Variants in COL27A1 observed in about 807,000 individuals in gnomAD.
COL27A1 encodes collagen type XXVII alpha 1 chain, also known as collagen alpha-1(XXVII) chain.
A neutral mutation model predicts 251.3 loss-of-function variants in COL27A1; 106 were observed. The observed-to-expected ratio is 0.42, with a 90% CI of 0.36 to 0.50. COL27A1 has a LOEUF of 0.50. Ranked by LOEUF, COL27A1 falls within the 20% of genes least tolerant of loss-of-function variation. The pLI is 0.00. For synonymous variants in COL27A1, 1,000 were observed against 986.3 expected, an observed-to-expected ratio of 1.01 and a Z score of -0.26; for missense variants, 2,325 against 2,522.8, an observed-to-expected ratio of 0.92 and a Z score of 1.68.
At chr9:114,261,684 C>T (rs1167371375) in intron 28 of COL27A1, among the ~76,000 whole-genome samples, 2 of 152,218 alleles carry the variant, frequency 1.3e-5, no homozygotes, top group Non-Finnish European at 2.9e-5. Flanking sequence ...CTGGCAGGAT[C>T]CTCTGGGTCC....
At chr9:114,256,196 GATT>G (rs1317536029) in intron 27 of COL27A1, among the ~76,000 whole-genome samples, 2 of 152,214 alleles carry the variant, frequency 1.3e-5, no homozygotes, top group Non-Finnish European at 2.9e-5. Flanking sequence ...GATCTATCAA[GATT>G]ATTATCCCCA....
intron 12 of COL27A1, among the ~76,000 whole-genome samples, chr9:114,212,537 G>C (rs1830436837): frequency 6.6e-6 from 1 of 152,232 alleles, no homozygotes; most frequent in African/African-American, 2.4e-5. Context: ...GAGAGAGTAG[G>C]ATAGGGAGAC....
chr9:114,172,689 G>T (rs1194501831), intron 3 of COL27A1, among the ~76,000 whole-genome samples: 1 of 152,156 alleles, frequency 6.6e-6, no homozygotes, highest in Admixed American at 6.5e-5. Context: ...AGTTACTTGG[G>T]AGGCCGAGGT....
intron 14 of COL27A1, among the ~76,000 whole-genome samples, chr9:114,223,851 G>C (rs1353410630): frequency 6.6e-6 from 1 of 152,204 alleles, no homozygotes; most frequent in African/African-American, 2.4e-5. Flanking sequence ...GAAGTGCCTA[G>C]TATGTAGTAA....
At chr9:114,285,859 C>T (rs1365404233) in intron 41 of COL27A1, among the ~76,000 whole-genome samples, 1 of 152,242 alleles carries the variant, frequency 6.6e-6, no homozygotes, top group Non-Finnish European at 1.5e-5. Flanking sequence ...GCTCTAGAAG[C>T]AGTCTCTGTG....
chr9:114,312,113 C>G lies in COL27A1; in HGVS notation c.*1418C>G, dbSNP rs536082556. On this transcript the variant is annotated 3_prime_UTR_variant, in exon 61 of 61. Transcript: ENST00000356083. ...GAATTGGATTTTGAGGTTATTTTAA[C>G]CATGGAATTATTTTTATAGAAGGGG... The G allele has an allele frequency of 3.3e-5, 5 of 152,130 alleles. No individual in the cohort carries two copies. The highest frequency in any genetic ancestry group is 5.9e-5 in the Non-Finnish European group (4 of 68,042). 9.4% of individuals were successfully genotyped at this position (152,130 alleles called of 1,614,324 possible). A position where few individuals can be genotyped will look rare whatever the true frequency, so the allele number is the denominator to read the frequency against.
At chr9:114,222,085 G>A (rs756438453) in intron 13 of COL27A1, 138 bp from the exon 14 acceptor site, 21 of 676,542 alleles carry the variant, frequency 3.1e-5, no homozygotes, top group Admixed American at 1.1e-4. Flanking sequence ...CAGGAAAGTC[G>A]CTGGAGCCTG....
At chr9:114,235,490 A>ACTTGGGAAACAGC (rs1832315282) in intron 16 of COL27A1, 109 bp from the exon 17 acceptor site, 1 of 859,904 alleles carries the variant, frequency 1.2e-6, no homozygotes, top group Non-Finnish European at 2.0e-6. Flanking sequence ...GCCGGATCCG[A>ACTTGGGAAACAGC]CTTGGGAAAC....
intron 31 of COL27A1, 89 bp from the exon 32 acceptor site, chr9:114,265,333 C>A (rs1588821544): frequency 7.2e-7 from 1 of 1,393,526 alleles, no homozygotes; most frequent in Non-Finnish European, 1.0e-6. Flanking sequence ...AGGAGGGGAC[C>A]CAAATACACT....
intron 7 of COL27A1, among the ~76,000 whole-genome samples, chr9:114,196,563 C>T (rs1829149493): frequency 6.6e-6 from 1 of 152,220 alleles, no homozygotes; most frequent in Non-Finnish European, 1.5e-5. Flanking sequence ...CTGCCATTTC[C>T]TGGCTGGGTG....
At chr9:114,214,606 A>G (rs1830593948) in intron 12 of COL27A1, among the ~76,000 whole-genome samples, 1 of 152,222 alleles carries the variant, frequency 6.6e-6, no homozygotes, top group African/African-American at 2.4e-5. Context: ...GGAGGGCAAG[A>G]CACTTGCCTA....
intron 4 of COL27A1, among the ~76,000 whole-genome samples, chr9:114,179,592 G>A (rs990937891): frequency 2.6e-5 from 4 of 152,178 alleles, no homozygotes; most frequent in Non-Finnish European, 4.4e-5. Context: ...TGTCCCCTCT[G>A]GATGGCATGG....
intron 49 of COL27A1, among the ~76,000 whole-genome samples, chr9:114,294,596 T>G (rs1468168527): frequency 6.6e-6 from 1 of 152,264 alleles, no homozygotes; most frequent in East Asian, 1.9e-4. Flanking sequence ...AAAACCCATT[T>G]GATCATCTCA....
At chr9:114,278,470 A>ATGGTGATGGTGGT (rs1835680342) in intron 37 of COL27A1, among the ~76,000 whole-genome samples, 2 of 104,412 alleles carry the variant, frequency 1.9e-5, no homozygotes, top group African/African-American at 3.8e-5. Context: ...GGTGGTGGTG[A>ATGGTGATGGTGGT]TGGTGGTGGT....
At chr9:114,195,086 A>G (rs940727245) in intron 6 of COL27A1, among the ~76,000 whole-genome samples, 8 of 152,184 alleles carry the variant, frequency 5.3e-5, no homozygotes, top group Non-Finnish European at 7.4e-5. Flanking sequence ...GAGATTGTCC[A>G]GTGTGTCAGT....
At chr9:114,212,794 G>A (rs561268513) in intron 12 of COL27A1, among the ~76,000 whole-genome samples, 6 of 152,208 alleles carry the variant, frequency 3.9e-5, no homozygotes, top group Admixed American at 2.6e-4. Context: ...AGAGCCGCCC[G>A]GAATAAGGTT....
intron 18 of COL27A1, among the ~76,000 whole-genome samples, chr9:114,237,237 A>G (rs1832461079): frequency 6.6e-6 from 1 of 152,240 alleles, no homozygotes; most frequent in Admixed American, 6.5e-5. Flanking sequence ...CCAGCTTCAG[A>G]GGCAGGCCTC....
chr9:114,240,809 A>C (rs1191995146), intron 21 of COL27A1, among the ~76,000 whole-genome samples: 1 of 152,196 alleles, frequency 6.6e-6, no homozygotes, highest in Non-Finnish European at 1.5e-5. Context: ...CAGGGCATTA[A>C]TGAGGGAGTA....
At chr9:114,299,097 AT>A (rs1564584898) in intron 49 of COL27A1, among the ~76,000 whole-genome samples, 1 of 152,126 alleles carries the variant, frequency 6.6e-6, no homozygotes, top group African/African-American at 2.4e-5. Flanking sequence ...AACAGGTAGA[AT>A]TTAGATTAAA....
Sources: gnomAD v4.1 joint callset for allele counts (sites outside exome capture counted in the v4.1 genomes callset) on GRCh38, gnomAD v4.1.1 for gene constraint, MANE v1.5 for transcripts, NCBI Gene and HGNC (gene_info 2026-07-23, HGNC 2026-07-21) for gene names.